DYM: variants seen among roughly 807,000 people sequenced by gnomAD.
The protein encoded by DYM is dyggve-Melchior-Clausen syndrome protein.
DYM carries 78 observed loss-of-function variants against 93.1 expected under a neutral mutation model. The observed-to-expected ratio is 0.84, with a 90% CI of 0.70 to 1.01. The LOEUF (loss-of-function observed/expected upper bound fraction) is 1.01, where lower values mean the gene tolerates loss of function less well. DYM is among the 50% of genes least tolerant of loss of function. The pLI is 0.00. For synonymous variants in DYM, 321 were observed against 319.7 expected, an observed-to-expected ratio of 1.00 and a Z score of -0.04; for missense variants, 789 against 845.0, an observed-to-expected ratio of 0.93 and a Z score of 0.82.
At chr18:49,258,779 T>TAG (rs1416722742) in intron 11 of DYM, among the ~76,000 whole-genome samples, 3 of 60,108 alleles carry the variant, frequency 5.0e-5, no homozygotes, top group Admixed American at 1.7e-4. Flanking sequence ...CTAGGGATCA[T>TAG]AGACACACAC....
chr18:49,143,634 T>G (rs920442806), intron 15 of DYM, among the ~76,000 whole-genome samples: 4 of 152,192 alleles, frequency 2.6e-5, no homozygotes, highest in Non-Finnish European at 4.4e-5. Flanking sequence ...AATACTCATA[T>G]TATTTAACTT....
At chr18:49,123,081 T>C (rs527560240) in intron 15 of DYM, among the ~76,000 whole-genome samples, 2 of 152,328 alleles carry the variant, frequency 1.3e-5, no homozygotes, top group East Asian at 3.9e-4. Flanking sequence ...TTTATGAATA[T>C]TGTTCCTTCA....
intron 15 of DYM, among the ~76,000 whole-genome samples, chr18:49,119,970 T>C (rs1023802398): frequency 1.3e-5 from 2 of 150,476 alleles, no homozygotes; most frequent in Non-Finnish European, 3.0e-5. Context: ...CCTCAGCTAC[T>C]TGGGAGGCTG....
chr18:49,108,060 C>T (rs536007172), intron 16 of DYM, among the ~76,000 whole-genome samples: 2 of 152,122 alleles, frequency 1.3e-5, no homozygotes, highest in African/African-American at 2.4e-5. Context: ...CCACCCAGTT[C>T]GAGCTTCCTG....
At chr18:49,198,188 C>T (rs1353903635) in intron 14 of DYM, among the ~76,000 whole-genome samples, 1 of 152,128 alleles carries the variant, frequency 6.6e-6, no homozygotes, top group East Asian at 1.9e-4. Flanking sequence ...ATGGAGAAAA[C>T]TGAAACTGGA....
chr18:49,263,056 C>G (rs1240589012), intron 11 of DYM, among the ~76,000 whole-genome samples: 1 of 152,096 alleles, frequency 6.6e-6, no homozygotes, highest in Non-Finnish European at 1.5e-5. Flanking sequence ...AATACCTGCA[C>G]ATGACTTCAT....
At chr18:49,224,350 G>T (rs2093459075) in intron 13 of DYM, among the ~76,000 whole-genome samples, 1 of 152,092 alleles carries the variant, frequency 6.6e-6, no homozygotes, top group South Asian at 2.1e-4. Context: ...TGAAGCCAGA[G>T]GATAGGGCTA....
At chr18:49,263,671 C>T (rs1485048468) in intron 11 of DYM, among the ~76,000 whole-genome samples, 2 of 151,670 alleles carry the variant, frequency 1.3e-5, no homozygotes, top group African/African-American at 2.4e-5. Flanking sequence ...GGAGGTTGCA[C>T]CAAGCCAAGA....
rs117425760 is a variant in DYM, at chr18:49,271,485, T to A, written c.1251+693A>T. Among the ~76,000 whole-genome samples the A allele has an allele frequency of 6.2e-3, 948 of 152,226 alleles. 5 individuals are homozygous for A. Among genetic ancestry groups the A allele is most frequent in the Non-Finnish European group, 0.011 (733 of 67,988 alleles). On this transcript the variant is annotated intron_variant, in intron 11 of 17. Coordinates refer to ENST00000675505, the MANE Select transcript of DYM (RefSeq NM_001353214.3). The stretch of plus-strand genomic sequence containing the variant: ...TCCATCTTAGGGCGATAATAGTTAA[T>A]GTCTGCAACTGAAAAATCAAGAAAT...
chr18:49,172,268 T>C (rs944804042), intron 14 of DYM, among the ~76,000 whole-genome samples: 2 of 152,230 alleles, frequency 1.3e-5, no homozygotes, highest in African/African-American at 4.8e-5. Context: ...ATTTCTTTAT[T>C]TATCAGTGTT....
At chr18:49,454,274 A>G (rs2082779236) in intron 1 of DYM, among the ~76,000 whole-genome samples, 3 of 152,224 alleles carry the variant, frequency 2.0e-5, no homozygotes. Context: ...TAGCAAGGGC[A>G]TGGGAGTCCT....
chr18:49,288,053 G>T (rs1336579300), intron 8 of DYM, among the ~76,000 whole-genome samples: 1 of 152,002 alleles, frequency 6.6e-6, no homozygotes, highest in African/African-American at 2.4e-5. Context: ...AGATACACTA[G>T]TATTAAAATT....
chr18:49,058,971 A>G (rs1202855044), intron 17 of DYM, among the ~76,000 whole-genome samples: 1 of 152,220 alleles, frequency 6.6e-6, no homozygotes, highest in Non-Finnish European at 1.5e-5. Context: ...TGAGTTTTGG[A>G]ACTTGTACAA....
intron 8 of DYM, among the ~76,000 whole-genome samples, chr18:49,320,813 C>T (rs926162507): frequency 2.0e-5 from 3 of 151,784 alleles, no homozygotes; most frequent in Admixed American, 6.6e-5. Context: ...TAACTCTTAC[C>T]GTTAGTCTTC....
chr18:49,063,079 C>A (rs1280856961), intron 17 of DYM, among the ~76,000 whole-genome samples: 2 of 152,178 alleles, frequency 1.3e-5, no homozygotes, highest in Non-Finnish European at 2.9e-5. Flanking sequence ...CTAATTGGAA[C>A]TTTCACTAAA....
intron 8 of DYM, among the ~76,000 whole-genome samples, chr18:49,294,994 C>T (rs1469806419): frequency 1.3e-5 from 2 of 152,070 alleles, no homozygotes; most frequent in Admixed American, 6.6e-5. Context: ...TCAATAGACA[C>T]GTAATGAGTT....
At chr18:49,294,802 A>C (rs1250652029) in intron 8 of DYM, among the ~76,000 whole-genome samples, 1 of 152,200 alleles carries the variant, frequency 6.6e-6, no homozygotes, top group Non-Finnish European at 1.5e-5. Flanking sequence ...AAAAAAAGAT[A>C]CTATGCACTG....
chr18:49,044,609 C>T (rs2071229572), intron 17 of DYM, among the ~76,000 whole-genome samples: 1 of 152,236 alleles, frequency 6.6e-6, no homozygotes, highest in Non-Finnish European at 1.5e-5. Flanking sequence ...CTCAGGGTTC[C>T]ACCATTCTGG....
chr18:49,210,951 T>A (rs916536363), intron 13 of DYM, among the ~76,000 whole-genome samples: 4 of 152,096 alleles, frequency 2.6e-5, no homozygotes, highest in Admixed American at 2.6e-4. Flanking sequence ...TAGAACAAAG[T>A]GATACAAAAT....
Sources: allele counts gnomAD v4.1 joint callset (sites outside exome capture counted in the v4.1 genomes callset), GRCh38; gene constraint gnomAD v4.1.1; transcripts MANE v1.5; gene names NCBI Gene and HGNC (gene_info 2026-07-23, HGNC 2026-07-21).